Variants in ERCC8 observed in about 807,000 individuals in gnomAD.
The protein encoded by ERCC8 is DNA excision repair protein ERCC-8.
A neutral mutation model predicts 54.9 loss-of-function variants in ERCC8; 52 were observed. The observed-to-expected ratio is 0.95, with a 90% CI of 0.76 to 1.19. The LOEUF (loss-of-function observed/expected upper bound fraction) is 1.19. Ranked by LOEUF, ERCC8 falls within the 50% of genes most tolerant of loss-of-function variation. ERCC8 has a pLI of 0.00. For synonymous variants in ERCC8, 146 were observed against 157.2 expected, an observed-to-expected ratio of 0.93 and a Z score of 0.53; for missense variants, 514 against 466.1, an observed-to-expected ratio of 1.10 and a Z score of -0.95.
At chr5:60,888,134 T>C (rs1244453096) in intron 10 of ERCC8, among the ~76,000 whole-genome samples, 1 of 152,228 alleles carries the variant, frequency 6.6e-6, no homozygotes, top group African/African-American at 2.4e-5. Context: ...ATATGTTATA[T>C]TGGCTTTTTT....
chr5:60,938,048 C>CATACATATAT (rs1206815920), intron 1 of ERCC8, among the ~76,000 whole-genome samples: 2 of 23,392 alleles, frequency 8.5e-5, no homozygotes, highest in South Asian at 1.7e-3. Context: ...TACATACATA[C>CATACATATAT]ATATATATAT....
chr5:60,877,265 C>G (rs1335249049), intron 11 of ERCC8, among the ~76,000 whole-genome samples: 1 of 152,172 alleles, frequency 6.6e-6, no homozygotes. Flanking sequence ...CAGTACCGTG[C>G]TGTTTTGGTT....
intron 4 of ERCC8, chr5:60,907,543 A>G (rs10076937): frequency 0.64 from 96,536 of 151,782 alleles, 31,119 homozygotes; most frequent in East Asian, 0.94. Context: ...AGTAGAGATG[A>G]GGTTTCACCA....
chr5:60,887,037 C>T (rs1748414063), intron 11 of ERCC8, among the ~76,000 whole-genome samples: 1 of 152,014 alleles, frequency 6.6e-6, no homozygotes, highest in Non-Finnish European at 1.5e-5. Context: ...AATGTCCAAC[C>T]ATGATATGAA....
chr5:60,913,843 G>T (rs561059355), intron 4 of ERCC8, among the ~76,000 whole-genome samples: 1 of 151,970 alleles, frequency 6.6e-6, no homozygotes, highest in East Asian at 1.9e-4. Flanking sequence ...CCTTCATTTC[G>T]TTATGTACCC....
chr5:60,904,224 C>T (rs1476166268), intron 5 of ERCC8, among the ~76,000 whole-genome samples: 1 of 152,020 alleles, frequency 6.6e-6, no homozygotes, highest in Non-Finnish European at 1.5e-5. Context: ...GAAAGGACCT[C>T]AAGACAACTT....
At chr5:60,937,018 G>A (rs557324529) in intron 1 of ERCC8, among the ~76,000 whole-genome samples, 5 of 152,284 alleles carry the variant, frequency 3.3e-5, no homozygotes, top group African/African-American at 1.2e-4. Context: ...GGCTTCCTGA[G>A]AGCCAAACTG....
intron 1 of ERCC8, among the ~76,000 whole-genome samples, chr5:60,929,500 T>C (rs944905365): frequency 3.9e-5 from 6 of 152,070 alleles, no homozygotes; most frequent in African/African-American, 1.2e-4. Flanking sequence ...GGCAGGAGGA[T>C]TGCTTGAGCC....
chr5:60,911,747 C>T (rs1749272408), intron 4 of ERCC8, among the ~76,000 whole-genome samples: 1 of 131,302 alleles, frequency 7.6e-6, no homozygotes, highest in African/African-American at 2.8e-5. Context: ...GTCTTTAATC[C>T]ATCTTGAATT....
At position 60,869,905 on chromosome 5, in the gene ERCC8, C is replaced by T. The variant is rs914731088; in HGVS notation, c.*4710G>A. 6.6e-6 allele frequency among the ~76,000 whole-genome samples: 1 copy of T among 151,832 alleles called. No homozygotes were observed. The stretch of plus-strand genomic sequence containing the variant: ...GGTGACGAAAGGACAGCCAAGACAG[C>T]GTGAAAGGAAAACATATAAAATGTA... On this transcript the variant is annotated 3_prime_UTR_variant, in exon 12 of 12. Transcript: ENST00000676185.
chr5:60,903,332 T>A (rs1356853659), intron 6 of ERCC8: 1 of 233,496 alleles, frequency 4.3e-6, no homozygotes, highest in African/African-American at 2.3e-5. Context: ...GAATATTAAA[T>A]AATACATATG....
chr5:60,933,216 CTTTTTTTT>C (rs143139297), intron 1 of ERCC8, among the ~76,000 whole-genome samples: 3 of 89,484 alleles, frequency 3.4e-5, no homozygotes, highest in Non-Finnish European at 4.1e-5. Context: ...CCTTTTTTTT[CTTTTTTTT>C]TTTTTTTTTT....
chr5:60,916,868 A>G (rs1749451365), intron 4 of ERCC8, among the ~76,000 whole-genome samples: 1 of 152,058 alleles, frequency 6.6e-6, no homozygotes, highest in East Asian at 1.9e-4. Flanking sequence ...TACTGTACAT[A>G]GCACTGAATT....
rs1156694023 is a variant in ERCC8 at position 60,918,404 on chromosome 5, C to A, written c.276-16G>T. On this transcript the variant is annotated splice_polypyrimidine_tract_variant and intron_variant, in intron 3 of 11. Coordinates refer to ENST00000676185, the MANE Select transcript of ERCC8 (RefSeq NM_000082.4). ...AGGATGATCTCTACAAAACAGCAAT[C>A]AAAATTTACATTAACTGACTTATGT... The A allele has an allele frequency of 1.9e-6, 3 of 1,605,392 alleles. No individual in the cohort carries two copies. In the African/African-American group the frequency reaches 4.0e-5, roughly 22 times the overall value.
chr5:60,940,459 G>C (rs1750224517), intron 1 of ERCC8, among the ~76,000 whole-genome samples: 1 of 152,322 alleles, frequency 6.6e-6, no homozygotes, highest in African/African-American at 2.4e-5. Context: ...TGGCAGAACA[G>C]GGTAACTGAA....
intron 11 of ERCC8, 61 bp downstream of exon 11, chr5:60,887,379 A>G (rs1748425054): frequency 7.3e-7 from 1 of 1,376,018 alleles, no homozygotes; most frequent in Non-Finnish European, 1.0e-6. Flanking sequence ...CACATAAAGT[A>G]ACAAAACATT....
intron 9 of ERCC8, among the ~76,000 whole-genome samples, chr5:60,894,534 T>C (rs1375539496): frequency 2.0e-5 from 3 of 152,198 alleles, no homozygotes; most frequent in African/African-American, 4.8e-5. Context: ...TAAATAATTA[T>C]GTATTTGGGA....
At chr5:60,878,791 C>T (rs1295792179) in intron 11 of ERCC8, among the ~76,000 whole-genome samples, 1 of 152,030 alleles carries the variant, frequency 6.6e-6, no homozygotes, top group Non-Finnish European at 1.5e-5. Context: ...AGTGGTCTAT[C>T]AATTTTGTTG....
intron 1 of ERCC8, among the ~76,000 whole-genome samples, chr5:60,940,529 AG>A (rs1750226990): frequency 1.3e-5 from 2 of 152,248 alleles, no homozygotes; most frequent in Non-Finnish European, 2.9e-5. Flanking sequence ...GGAAGCATCC[AG>A]GAGATCACAG....
Sources: gnomAD v4.1 joint callset for allele counts (sites outside exome capture counted in the v4.1 genomes callset) on GRCh38, gnomAD v4.1.1 for gene constraint, MANE v1.5 for transcripts, NCBI Gene and HGNC (gene_info 2026-07-23, HGNC 2026-07-21) for gene names.